The following TMEM18 variants were observed in gnomAD, a reference collection of about 807,000 sequenced individuals.
TMEM18 encodes the protein transmembrane protein 18.
In TMEM18, 14 loss-of-function variants were observed where a neutral mutation model predicts 17.4. That is an observed-to-expected ratio of 0.80 (90% CI 0.53 to 1.25). The LOEUF is 1.25. Ranked by LOEUF, TMEM18 falls within the 50% of genes most tolerant of loss-of-function variation. The pLI is 0.00. For missense variants in TMEM18, 187 were observed against 172.1 expected (o/e 1.09, Z -0.48); for synonymous variants, 86 against 66.1 (o/e 1.30, Z -1.46).
chr2:671,938 C>T (rs545953131), intron 3 of TMEM18, among the ~76,000 whole-genome samples: 11 of 152,172 alleles, frequency 7.2e-5, no homozygotes, highest in Non-Finnish European at 1.3e-4. Context: ...AGGGCAGAGA[C>T]AGTGCTGCAG....
rs1232894081 is a variant in TMEM18, at chr2:665,522, CAGAG to C, written c.*4054_*4057del. Among the ~76,000 whole-genome samples, 1 of 137,944 alleles carries C rather than the reference CAGAG, an allele frequency of 7.2e-6. No homozygotes were observed. The highest frequency in any genetic ancestry group is 1.6e-5 in the Non-Finnish European group (1 of 64,312). The allele number at this position is 137,944 out of a possible 152,430, so 90.5% of individuals were successfully genotyped here. On this transcript the variant is annotated 3_prime_UTR_variant, in exon 5 of 5. Transcript: ENST00000281017. ...GATGCAAACACCCCACTCACTCAGA[CAGAG>C]AATCAACCCCACATAAACTAGAACC... is the stretch of plus-strand genomic sequence containing the variant.
In TMEM18 at chr2:677,275, G is replaced by A. The variant is rs1035494994; in HGVS notation, c.57+14C>T. 1.9e-6 allele frequency: 3 copies of A among 1,608,840 alleles called. No homozygotes were observed. In the South Asian group the frequency reaches 3.3e-5, roughly 18 times the overall value. ...TCCTCCCCCGAACTGGTGGTTACGC[G>A]GGCCGCGAGTTACCGTGAGCACGGC... is the stretch of plus-strand genomic sequence containing the variant. On this transcript the variant is annotated intron_variant, in intron 1 of 4. Coordinates refer to ENST00000281017, the MANE Select transcript of TMEM18 (RefSeq NM_152834.4).
Position 676,649 on chromosome 2 carries a change from TGGC to T in TMEM18, c.57+637_57+639del, listed in dbSNP as rs1558183219. The stretch of plus-strand genomic sequence containing the variant: ...CCCATCGAGTGCCCATGTCACCCCT[TGGC>T]GGCCACGTGGGGCGTGGGCTCCCCT... On this transcript the variant is annotated intron_variant, in intron 1 of 4. Transcript: ENST00000281017. 5 of 1,549,366 alleles carry T rather than the reference TGGC, an allele frequency of 3.2e-6. No homozygotes were observed. In the African/African-American group the frequency reaches 6.8e-5, roughly 21 times the overall value.
Position 675,600 on chromosome 2 carries a change from C to A in TMEM18, c.88G>T (p.Gly30Trp). The change falls in exon 2 of 5, where the codon GGG becomes TGG. Residue 30 changes from glycine (G) to tryptophan (W), a missense_variant. By Grantham distance (184) the Gly-to-Trp change is radical. Transcript: ENST00000281017. ...QTDWTEPWLM[G>W]LATFHALCVL... ...CAGAGCGCGTGGAAGGTGGCCAGCC[C>A]CATGAGCCAGGGCTCAGTCCAGTCC... The A allele has an allele frequency of 6.2e-7, 1 of 1,614,178 alleles. No individual in the cohort carries two copies. The highest frequency in any genetic ancestry group is 8.5e-7 in the Non-Finnish European group (1 of 1,180,026).
In TMEM18 at chr2:677,369, A is replaced by G. The variant is rs766392526; in HGVS notation, c.-24T>C. The G allele has an allele frequency of 6.2e-7, 1 of 1,606,324 alleles. No homozygotes were observed. The highest frequency in any genetic ancestry group is 1.7e-5 in the Admixed American group (1 of 59,522). ...ATGGTGTTGGGAAGCCCGCTCTCAC[A>G]GCAACCGCCGAACCCGGCCTGGCCA... is the stretch of plus-strand genomic sequence containing the variant. On this transcript the variant is annotated 5_prime_UTR_variant, in exon 1 of 5. Coordinates refer to ENST00000281017, the MANE Select transcript of TMEM18 (RefSeq NM_152834.4).
intron 2 of TMEM18, among the ~76,000 whole-genome samples, chr2:675,137 C>T (rs758773968): frequency 6.6e-6 from 1 of 152,220 alleles, no homozygotes; most frequent in Non-Finnish European, 1.5e-5. Flanking sequence ...ATTTTATGCA[C>T]AGAACTTTTC....
In TMEM18 at chr2:677,388, C is replaced by T; in HGVS notation, c.-43G>A. On this transcript the variant is annotated 5_prime_UTR_variant, in exon 1 of 5. Coordinates refer to ENST00000281017, the MANE Select transcript of TMEM18 (RefSeq NM_152834.4). ...TCTCACAGCAACCGCCGAACCCGGC[C>T]TGGCCAGAATCCACAGAGGAGGGCG... The T allele has an allele frequency of 6.2e-7, 1 of 1,602,790 alleles. No homozygotes were observed. Among genetic ancestry groups the T allele is most frequent in the East Asian group, 2.2e-5 (1 of 44,550 alleles).
rs1678697318 is a variant in TMEM18, at chr2:666,621, G to C, written c.*2959C>G. ...TCCTGCCTTCCCTGTGCAGCAACCA[G>C]GGCTTGGAGACATCTTCGCACCATC... On this transcript the variant is annotated 3_prime_UTR_variant, in exon 5 of 5. Coordinates refer to ENST00000281017, the MANE Select transcript of TMEM18 (RefSeq NM_152834.4). Among the ~76,000 whole-genome samples the C allele has an allele frequency of 2.6e-5, 4 of 152,128 alleles. No individual in the cohort carries two copies. Among genetic ancestry groups the C allele is most frequent in the Non-Finnish European group, 5.9e-5 (4 of 68,006 alleles).
At chr2:676,840 G>C (rs1185509572) in intron 1 of TMEM18, 1 of 611,584 alleles carries the variant, frequency 1.6e-6, no homozygotes, top group African/African-American at 1.9e-5. Flanking sequence ...GGACTGGCCG[G>C]CGTGCACCTC....
rs376766420 is a variant in TMEM18 at position 666,661 on chromosome 2, C to T, written c.*2919G>A. Among the ~76,000 whole-genome samples the T allele has an allele frequency of 9.2e-5, 14 of 152,132 alleles. No homozygotes were observed. The highest frequency in any genetic ancestry group is 7.7e-4 in the East Asian group (4 of 5,178). The stretch of plus-strand genomic sequence containing the variant: ...TTCGCACCATCCTGGGACTGGGCAG[C>T]GCCACCCCCTGGGTGCTCTTCTCTG... On this transcript the variant is annotated 3_prime_UTR_variant, in exon 5 of 5. Transcript: ENST00000281017.
chr2:672,742 G>T, intron 3 of TMEM18, 66 bp downstream of exon 3: 1 of 1,359,230 alleles, frequency 7.4e-7, no homozygotes, highest in Non-Finnish European at 9.7e-7. Flanking sequence ...GAGTCCCACC[G>T]GCTGTGGGGC....
At chr2:676,749 A>C in intron 1 of TMEM18, 1 of 1,068,030 alleles carries the variant, frequency 9.4e-7, no homozygotes, top group Non-Finnish European at 1.3e-6. Context: ...GTGCCACCCC[A>C]CACGATCAGG....
chr2:666,062 C>A lies in TMEM18; in HGVS notation c.*3518G>T, dbSNP rs1441105830. Among the ~76,000 whole-genome samples the A allele has an allele frequency of 6.6e-6, 1 of 151,904 alleles. No individual in the cohort carries two copies. The highest frequency in any genetic ancestry group is 2.4e-5 in the African/African-American group (1 of 41,340). On this transcript the variant is annotated 3_prime_UTR_variant, in exon 5 of 5. Coordinates refer to ENST00000281017, the MANE Select transcript of TMEM18 (RefSeq NM_152834.4). ...ACTGAGATGGAGCATCAACCCTACACACAACAGGACCCATGGAGGCAGATG... is the reference window on the plus strand; with the variant it reads ...ACTGAGATGGAGCATCAACCCTACAAACAACAGGACCCATGGAGGCAGATG...
In TMEM18 at chr2:664,467, A is replaced by G. The variant is rs1678624881; in HGVS notation, c.*5113T>C. Reference sequence around the variant, plus strand: ...TTTTTAAAGCCCATATTGCAAAACAAAGAAGAATACGAACAGATTATTCAC... The same window carrying G: ...TTTTTAAAGCCCATATTGCAAAACAGAGAAGAATACGAACAGATTATTCAC... On this transcript the variant is annotated 3_prime_UTR_variant, in exon 5 of 5. Transcript: ENST00000281017. Among the ~76,000 whole-genome samples, 1 of 152,268 alleles carries G rather than the reference A, an allele frequency of 6.6e-6. No individual in the cohort carries two copies. The highest frequency in any genetic ancestry group is 1.5e-5 in the Non-Finnish European group (1 of 68,052).
intron 2 of TMEM18, among the ~76,000 whole-genome samples, chr2:674,259 C>T (rs187001074): frequency 2.0e-3 from 308 of 152,260 alleles, no homozygotes; most frequent in African/African-American, 6.6e-3. Context: ...TATTCAGATC[C>T]AGGAGCTCAG....
intron 1 of TMEM18, chr2:676,857 G>T (rs13004589): frequency 1.0e-5 from 6 of 598,322 alleles, no homozygotes; most frequent in African/African-American, 3.7e-5. Context: ...CCTCCCACAC[G>T]AACAAAGCCC....
At chr2:676,079 C>T in intron 1 of TMEM18, 2 of 1,321,472 alleles carry the variant, frequency 1.5e-6, no homozygotes, top group Non-Finnish European at 2.0e-6. Context: ...AAACATGAAT[C>T]ATCATTTCAG....
intron 3 of TMEM18, among the ~76,000 whole-genome samples, chr2:671,260 T>G (rs10172821): frequency 6.6e-6 from 1 of 151,714 alleles, no homozygotes; most frequent in Non-Finnish European, 1.5e-5. Flanking sequence ...GCCAGAAAGG[T>G]GCTGCACCCT....
rs970285093 is a variant in TMEM18, at chr2:677,109, C to T, written c.57+180G>A. The T allele has an allele frequency of 1.7e-5, 12 of 717,212 alleles. No homozygotes were observed. The Admixed American group carries it at 3.8e-4, about 23-fold the overall frequency. 44.4% of individuals were successfully genotyped at this position (717,212 alleles called of 1,614,324 possible). Reference sequence around the variant, plus strand: ...GGACCCCGCCCACAGCGCGCGCCCCCGACGCCGGCCCCGAGCCACTCCCAC... The same window carrying T: ...GGACCCCGCCCACAGCGCGCGCCCCTGACGCCGGCCCCGAGCCACTCCCAC... On this transcript the variant is annotated intron_variant, in intron 1 of 4. Coordinates refer to ENST00000281017, the MANE Select transcript of TMEM18 (RefSeq NM_152834.4).
Sources: allele counts gnomAD v4.1 joint callset (sites outside exome capture counted in the v4.1 genomes callset), GRCh38; gene constraint gnomAD v4.1.1; transcripts MANE v1.5; gene names NCBI Gene and HGNC (gene_info 2026-07-23, HGNC 2026-07-21).